Variants in CRACR2A observed in about 807,000 individuals in gnomAD.
CRACR2A encodes the protein calcium release activated channel regulator 2A.
Under a neutral mutation model 90.5 loss-of-function variants are expected in CRACR2A, and 79 were observed. The ratio of observed to expected loss-of-function variants is 0.87; its 90% CI spans 0.73 to 1.05. CRACR2A has a LOEUF of 1.05. Among genes scored for constraint, CRACR2A ranks in the 50% least tolerant of loss-of-function variants. The pLI is 0.00. For synonymous variants in CRACR2A, 338 were observed against 356.7 expected, an observed-to-expected ratio of 0.95 and a Z score of 0.59; for missense variants, 823 against 897.2, an observed-to-expected ratio of 0.92 and a Z score of 1.06.
intron 2 of CRACR2A, among the ~76,000 whole-genome samples, chr12:3,715,126 G>A (rs746324830): frequency 6.6e-6 from 1 of 152,202 alleles, no homozygotes; most frequent in Non-Finnish European, 1.5e-5. Context: ...CCCCCTACCA[G>A]GTTCCAGGCA....
intron 8 of CRACR2A, 50 bp from the exon 9 acceptor site, chr12:3,656,456 G>A (rs1944910641): frequency 1.3e-6 from 2 of 1,579,248 alleles, no homozygotes; most frequent in African/African-American, 1.3e-5. Context: ...AGCACACCCG[G>A]GTTATAGATT....
chr12:3,663,480 C>G (rs1945075741), intron 7 of CRACR2A, among the ~76,000 whole-genome samples: 1 of 152,224 alleles, frequency 6.6e-6, no homozygotes, highest in Admixed American at 6.5e-5. Context: ...CCTTACTCTT[C>G]TTCTGCATAA....
At chr12:3,692,511 G>A (rs1945666526) in intron 4 of CRACR2A, among the ~76,000 whole-genome samples, 1 of 151,736 alleles carries the variant, frequency 6.6e-6, no homozygotes, top group Admixed American at 6.6e-5. Flanking sequence ...TCCACGCTGG[G>A]GGTGGGGGTG....
Position 3,697,994 on chromosome 12 carries a change from C to T in CRACR2A, c.-36-959G>A, listed in dbSNP as rs933854979. On this transcript the variant is annotated intron_variant, in intron 3 of 19. Transcript: ENST00000440314. ...TTATATGACCTTGAACAAGTCGGTA[C>T]CTGTCTGGGCCTCAGTTTCCTTATC... Among the ~76,000 whole-genome samples the T allele has an allele frequency of 4.6e-5, 7 of 152,302 alleles. No individual in the cohort carries two copies. The East Asian group carries it at 1.2e-3, about 25-fold the overall frequency.
Position 3,638,460 on chromosome 12 carries a change from G to A in CRACR2A, c.1272-6C>T. 1 of 1,530,556 alleles carries A rather than the reference G, an allele frequency of 6.5e-7. No homozygotes were observed. Among genetic ancestry groups the A allele is most frequent in the Non-Finnish European group, 8.8e-7 (1 of 1,134,528 alleles). The allele number at this position is 1,530,556 out of a possible 1,614,324, so 94.8% of individuals were successfully genotyped here. A position where few individuals can be genotyped will look rare whatever the true frequency, so the allele number is the denominator to read the frequency against. ...CCTCCTCCTCCTCTGACTGGCTACT[G>A]GGGCGGGGAAGAGAGAAGAGTTGGG... is the stretch of plus-strand genomic sequence containing the variant. On this transcript the variant is annotated splice_polypyrimidine_tract_variant and splice_region_variant and intron_variant, in intron 13 of 19. Transcript: ENST00000440314.
At position 3,711,490 on chromosome 12, in the gene CRACR2A, A is replaced by G. The variant is rs1448529274; in HGVS notation, c.-37+1747T>C. Among the ~76,000 whole-genome samples, 2 of 152,206 alleles carry G rather than the reference A, an allele frequency of 1.3e-5. No individual in the cohort carries two copies. Among genetic ancestry groups the G allele is most frequent in the Non-Finnish European group, 2.9e-5 (2 of 68,038 alleles). ...CCAAGTTCTTTGCCACTTTATAACA[A>G]GACTGGCCTTTCCTCTAGTGTCTAA... On this transcript the variant is annotated intron_variant, in intron 3 of 19. Transcript: ENST00000440314. The surrounding 1 kb of genome is among the most constrained non-coding windows in gnomAD (Gnocchi z 4.3).
intron 9 of CRACR2A, among the ~76,000 whole-genome samples, chr12:3,655,454 G>A (rs1766944976): frequency 6.6e-6 from 1 of 152,204 alleles, no homozygotes. Flanking sequence ...CTGTCTTCAA[G>A]TAGATTTTGA....
intron 11 of CRACR2A, chr12:3,647,901 G>A (rs959927635): frequency 3.2e-5 from 32 of 985,312 alleles, no homozygotes; most frequent in Admixed American, 1.2e-4. Flanking sequence ...TTCCCCACAC[G>A]GGTTTGTCTT....
At chr12:3,712,598 G>A (rs140614746) in intron 3 of CRACR2A, among the ~76,000 whole-genome samples, 1 of 152,112 alleles carries the variant, frequency 6.6e-6, no homozygotes, top group Non-Finnish European at 1.5e-5. Context: ...CCATTCATGA[G>A]GATTCACCCC....
intron 7 of CRACR2A, 102 bp from the exon 8 acceptor site, chr12:3,659,756 G>A: frequency 1.1e-6 from 1 of 911,658 alleles, no homozygotes; most frequent in Non-Finnish European, 1.8e-6. Context: ...AGCTGTGGGT[G>A]TGGGGGTGAC....
At chr12:3,736,031 A>G (rs1453583163) in intron 1 of CRACR2A, among the ~76,000 whole-genome samples, 1 of 152,140 alleles carries the variant, frequency 6.6e-6, no homozygotes, top group African/African-American at 2.4e-5. Flanking sequence ...GGTGGGCTTT[A>G]CTGTATGGGC....
chr12:3,624,859 T>C (rs1944225547), intron 17 of CRACR2A, among the ~76,000 whole-genome samples: 1 of 152,172 alleles, frequency 6.6e-6, no homozygotes, highest in African/African-American at 2.4e-5. Context: ...GTCCTATATA[T>C]GTTAGGGTTC....
chr12:3,722,445 A>T (rs241982), intron 2 of CRACR2A, among the ~76,000 whole-genome samples: 40,043 of 152,120 alleles, frequency 0.26, 5,411 homozygotes, highest in Admixed American at 0.33. Context: ...TGCTAAAGTC[A>T]AACAGAAAGA....
In CRACR2A at chr12:3,666,358, TGC is replaced by T. The variant is rs57793746; in HGVS notation, c.672-6706_672-6705del. On this transcript the variant is annotated intron_variant, in intron 7 of 19. Coordinates refer to ENST00000440314, the MANE Select transcript of CRACR2A (RefSeq NM_001144958.2). Reference sequence around the variant, plus strand: ...GTGTGTGTGTGTGTGTGTGTGTGCGTGCGTGTGCGCGTGCGCGCGCACGCGCG... The same window carrying T: ...GTGTGTGTGTGTGTGTGTGTGTGCGTGTGTGCGCGTGCGCGCGCACGCGCG... 3.4e-3 allele frequency among the ~76,000 whole-genome samples: 505 copies of T among 148,490 alleles called. 5 individuals carry two copies. Among genetic ancestry groups the T allele is most frequent in the South Asian group, 0.019 (89 of 4,698 alleles).
intron 19 of CRACR2A, among the ~76,000 whole-genome samples, chr12:3,616,565 T>C (rs1309137787): frequency 6.6e-6 from 1 of 152,174 alleles, no homozygotes; most frequent in Admixed American, 6.5e-5. Context: ...TTATAACCCA[T>C]TCTTGCCTCC....
At chr12:3,663,943 A>T (rs905101624) in intron 7 of CRACR2A, among the ~76,000 whole-genome samples, 1 of 152,220 alleles carries the variant, frequency 6.6e-6, no homozygotes, top group Non-Finnish European at 1.5e-5. Context: ...ACACAGCAAC[A>T]TCTCAAATGT....
intron 6 of CRACR2A, among the ~76,000 whole-genome samples, chr12:3,675,757 C>T (rs545896511): frequency 1.3e-5 from 2 of 152,306 alleles, no homozygotes; most frequent in South Asian, 4.2e-4. Flanking sequence ...GTAAATGTGA[C>T]TTGTCTTCCA....
In CRACR2A at chr12:3,621,857, G is replaced by T. The variant is rs184549017; in HGVS notation, c.1933-2485C>A. Among the ~76,000 whole-genome samples, 14 of 151,908 alleles carry T rather than the reference G, an allele frequency of 9.2e-5. No individual in the cohort carries two copies. The East Asian group carries it at 2.5e-3, about 27-fold the overall frequency. On this transcript the variant is annotated intron_variant, in intron 17 of 19. Coordinates refer to ENST00000440314, the MANE Select transcript of CRACR2A (RefSeq NM_001144958.2). ...GGGACCCTGGCCTGCCACCGATAAA[G>T]GAGAAACAGACTCATCTCCAAATAT...
intron 3 of CRACR2A, among the ~76,000 whole-genome samples, chr12:3,702,609 A>G (rs1408601436): frequency 1.3e-5 from 2 of 152,230 alleles, no homozygotes; most frequent in African/African-American, 4.8e-5. Context: ...ATACACTGAA[A>G]GCTATAAAAT....
Sources: allele counts gnomAD v4.1 joint callset (sites outside exome capture counted in the v4.1 genomes callset), GRCh38; gene constraint gnomAD v4.1.1; non-coding constraint Gnocchi (gnomAD v3.1); transcripts MANE v1.5; gene names NCBI Gene and HGNC (gene_info 2026-07-23, HGNC 2026-07-21).